The following ATP5PB variants were observed in gnomAD, a reference collection of about 807,000 sequenced individuals.
ATP5PB encodes ATP synthase peripheral stalk-membrane subunit b.
A neutral mutation model predicts 34.5 loss-of-function variants in ATP5PB; 21 were observed. That is an observed-to-expected ratio of 0.61 (90% CI 0.43 to 0.88). The LOEUF (loss-of-function observed/expected upper bound fraction) is 0.88, where lower values mean the gene tolerates loss of function less well. Ranked by LOEUF, ATP5PB falls within the 40% of genes least tolerant of loss-of-function variation. The pLI, the probability that ATP5PB is intolerant of heterozygous loss-of-function variation, is 0.00. For missense variants in ATP5PB, 293 were observed against 317.4 expected (o/e 0.92, Z 0.58); for synonymous variants, 108 against 114.1 (o/e 0.95, Z 0.34).
At chr1:111,452,691 T>G (rs1332922152) in intron 2 of ATP5PB, among the ~76,000 whole-genome samples, 1 of 152,230 alleles carries the variant, frequency 6.6e-6, no homozygotes, top group Non-Finnish European at 1.5e-5. Context: ...GCATACCATT[T>G]AGTGCTATGA....
intron 4 of ATP5PB, 89 bp from the exon 5 acceptor site, chr1:111,456,541 A>G (rs1653477087): frequency 6.7e-7 from 1 of 1,488,532 alleles, no homozygotes; most frequent in South Asian, 1.4e-5. Context: ...TACAAATGAG[A>G]TATACAACTT....
chr1:111,458,512 G>C (rs184254201), intron 5 of ATP5PB, among the ~76,000 whole-genome samples: 1 of 152,308 alleles, frequency 6.6e-6, no homozygotes, highest in Non-Finnish European at 1.5e-5. Context: ...CTGGAAGTTT[G>C]CTTGATACAG....
intron 6 of ATP5PB, 121 bp from the exon 7 acceptor site, chr1:111,460,796 G>A: frequency 1.4e-6 from 1 of 721,388 alleles, no homozygotes; most frequent in Non-Finnish European, 2.4e-6. Flanking sequence ...ATAGTGTTAA[G>A]CCAGTAATCA....
rs369603378 is a variant in ATP5PB, at chr1:111,462,079, C to T, written c.*1085C>T. The T allele has an allele frequency of 6.6e-6, 1 of 152,076 alleles. No individual in the cohort carries two copies. Among genetic ancestry groups the T allele is most frequent in the African/African-American group, 2.4e-5 (1 of 41,390 alleles). 9.4% of individuals were successfully genotyped at this position (152,076 alleles called of 1,614,324 possible). ...AAATTAAAATGGAAATACCATGATC[C>T]AGCAATCCCAGTCGACATATATACT... On this transcript the variant is annotated 3_prime_UTR_variant, in exon 7 of 7. Coordinates refer to ENST00000369722, the MANE Select transcript of ATP5PB (RefSeq NM_001688.5).
In ATP5PB at chr1:111,456,072, C is replaced by G. The variant is rs202112665; in HGVS notation, c.224-14C>G. The G allele has an allele frequency of 3.9e-6, 6 of 1,549,360 alleles. No individual in the cohort carries two copies. Among genetic ancestry groups the G allele is most frequent in the South Asian group, 3.7e-5 (3 of 82,028 alleles). On this transcript the variant is annotated splice_polypyrimidine_tract_variant and intron_variant, in intron 3 of 6. Transcript: ENST00000369722. ...TAGCATATCCCTTCATAAAATAACTCTTTCTTCTTTTAGGACCCTATGTAC... is the reference window on the plus strand; with the variant it reads ...TAGCATATCCCTTCATAAAATAACTGTTTCTTCTTTTAGGACCCTATGTAC...
intron 1 of ATP5PB, 32 bp from the exon 2 acceptor site, chr1:111,449,805 A>G: frequency 6.2e-7 from 1 of 1,614,084 alleles, no homozygotes; most frequent in Non-Finnish European, 8.5e-7. Flanking sequence ...ATTTCATTTG[A>G]CTTTGCTGAC....
chr1:111,454,608 A>AT (rs1391864462), intron 3 of ATP5PB, among the ~76,000 whole-genome samples: 1 of 151,606 alleles, frequency 6.6e-6, no homozygotes, highest in Non-Finnish European at 1.5e-5. Flanking sequence ...CACCCGGCTC[A>AT]TTTTTCTATT....
Position 111,456,337 on chromosome 1 carries a change from G to C in ATP5PB, c.387+88G>C, listed in dbSNP as rs543173938. On this transcript the variant is annotated intron_variant, in intron 4 of 6. Transcript: ENST00000369722. ...TATTTTTGATATGAGTGTTAGGGGA[G>C]CAACATATAGAAATGAATCTAATGC... 2.3e-6 allele frequency: 3 copies of C among 1,324,918 alleles called. No individual in the cohort carries two copies. In the South Asian group the frequency reaches 5.0e-5, roughly 22 times the overall value. The allele number at this position is 1,324,918 out of a possible 1,614,324, so 82.1% of individuals were successfully genotyped here.
In ATP5PB at chr1:111,449,506, G is replaced by A. The variant is rs370991921; in HGVS notation, c.-36G>A. 4.0e-5 allele frequency: 64 copies of A among 1,614,084 alleles called. No homozygotes were observed. In the Middle Eastern group the frequency reaches 1.2e-3, roughly 29 times the overall value. ...GACAGATTCTCCTATCGGGGTCACA[G>A]GGACGCTAAGATTGCTACCTGGACT... On this transcript the variant is annotated 5_prime_UTR_variant, in exon 1 of 7. Coordinates refer to ENST00000369722, the MANE Select transcript of ATP5PB (RefSeq NM_001688.5).
intron 6 of ATP5PB, among the ~76,000 whole-genome samples, chr1:111,460,422 CAG>C (rs1653586693): frequency 6.8e-6 from 1 of 147,438 alleles, no homozygotes; most frequent in Non-Finnish European, 1.5e-5. Context: ...ATTAGAAAAA[CAG>C]TGTCTATCAA....
Position 111,459,335 on chromosome 1 carries a change from TAAATA to T in ATP5PB, c.514-118_514-114del, listed in dbSNP as rs1653555183. 3 of 926,466 alleles carry T rather than the reference TAAATA, an allele frequency of 3.2e-6. No homozygotes were observed. The African/African-American group carries it at 5.1e-5, about 16-fold the overall frequency. The allele number at this position is 926,466 out of a possible 1,614,324, so 57.4% of individuals were successfully genotyped here. ...TAATTTCTAGGTACATATTACCTAT[TAAATA>T]AAAGAATTTCACGTAAAATACAAAA... On this transcript the variant is annotated intron_variant, in intron 5 of 6. Coordinates refer to ENST00000369722, the MANE Select transcript of ATP5PB (RefSeq NM_001688.5).
At chr1:111,458,684 C>T (rs1484758825) in intron 5 of ATP5PB, among the ~76,000 whole-genome samples, 1 of 147,040 alleles carries the variant, frequency 6.8e-6, no homozygotes, top group Non-Finnish European at 1.5e-5. Context: ...AAGGATCATT[C>T]TGATTGCCTT....
At position 111,459,609 on chromosome 1, in the gene ATP5PB, C is replaced by A. The variant is rs1351088755; in HGVS notation, c.666C>A (p.His222Gln). 5.0e-6 allele frequency: 8 copies of A among 1,613,790 alleles called. No homozygotes were observed. The highest frequency in any genetic ancestry group is 6.8e-6 in the Non-Finnish European group (8 of 1,179,808). The change falls in exon 6 of 7, where the codon CAC becomes CAA. Residue 222 changes from histidine (H) to glutamine (Q), a missense_variant. Coordinates refer to ENST00000369722, the MANE Select transcript of ATP5PB (RefSeq NM_001688.5). ...ACATGATAAATTGGGTGGAGAAGCA[C>A]GTGGTGCAAAGCATCTCCACACAGC... is the stretch of plus-strand genomic sequence containing the variant. ...QEHMINWVEKHVVQSISTQQE... is the reference protein window; with the variant it reads ...QEHMINWVEKQVVQSISTQQE...
At chr1:111,453,339 T>A (rs1389309096) in intron 2 of ATP5PB, among the ~76,000 whole-genome samples, 3 of 151,864 alleles carry the variant, frequency 2.0e-5, no homozygotes, top group African/African-American at 7.3e-5. Flanking sequence ...CAATAAGTAT[T>A]TGTAGGATGA....
At chr1:111,458,222 C>T (rs942993773) in intron 5 of ATP5PB, among the ~76,000 whole-genome samples, 7 of 152,144 alleles carry the variant, frequency 4.6e-5, no homozygotes, top group African/African-American at 1.4e-4. Flanking sequence ...AAAAAGATTG[C>T]AGGCCAGGCG....
intron 3 of ATP5PB, among the ~76,000 whole-genome samples, chr1:111,455,339 G>A: frequency 6.6e-6 from 1 of 152,180 alleles, no homozygotes; most frequent in South Asian, 2.1e-4. Context: ...CTTTGTATGG[G>A]AAACCAGGTA....
chr1:111,455,553 T>C (rs1301597361), intron 3 of ATP5PB, among the ~76,000 whole-genome samples: 1 of 152,244 alleles, frequency 6.6e-6, no homozygotes, highest in East Asian at 1.9e-4. Context: ...AAAAGCCATA[T>C]TTGAAGCATT....
chr1:111,456,121 G>A lies in ATP5PB; in HGVS notation c.259G>A (p.Ala87Thr), dbSNP rs138675238. 1.4e-5 allele frequency: 22 copies of A among 1,609,940 alleles called. No individual in the cohort carries two copies. The highest frequency in any genetic ancestry group is 8.8e-5 in the South Asian group (8 of 90,534). ...YVLGTGLILY[A>T]LSKEIYVISA... Reference sequence around the variant, plus strand: ...ACTCGGAACTGGGCTTATCTTGTACGCTTTATCCAAAGAAATATATGTGAT... The same window carrying A: ...ACTCGGAACTGGGCTTATCTTGTACACTTTATCCAAAGAAATATATGTGAT... The change falls in exon 4 of 7, where the codon GCT becomes ACT. Residue 87 changes from alanine (A) to threonine (T), a missense_variant. Ala to Thr is a moderately conservative substitution (Grantham distance 58, BLOSUM62 0). Coordinates refer to ENST00000369722, the MANE Select transcript of ATP5PB (RefSeq NM_001688.5).
chr1:111,454,472 T>G, intron 3 of ATP5PB, 116 bp downstream of exon 3: 1 of 1,313,492 alleles, frequency 7.6e-7, no homozygotes, highest in African/African-American at 1.5e-5. Flanking sequence ...GTTGTTGTTT[T>G]TTGAGACAGG....
Sources: gnomAD v4.1 joint callset for allele counts (sites outside exome capture counted in the v4.1 genomes callset) on GRCh38, gnomAD v4.1.1 for gene constraint, MANE v1.5 for transcripts, NCBI Gene and HGNC (gene_info 2026-07-23, HGNC 2026-07-21) for gene names.